SAMD3: variants seen among roughly 807,000 people sequenced by gnomAD.
The protein encoded by SAMD3 is sterile alpha motif domain-containing protein 3.
SAMD3 carries 63 observed loss-of-function variants against 58.5 expected under a neutral mutation model. The ratio of observed to expected loss-of-function variants is 1.08; its 90% confidence interval spans 0.88 to 1.33. The LOEUF is 1.33. SAMD3 is among the 40% of genes most tolerant of loss of function. The pLI is 0.00. For synonymous variants in SAMD3, 220 were observed against 210.3 expected (o/e 1.05, Z -0.40); for missense variants, 604 against 608.4 (o/e 0.99, Z 0.08).
At chr6:130,227,828 C>T (rs1053640911), upstream of SAMD3, among the ~76,000 whole-genome samples, 5 of 151,390 alleles carry the variant, frequency 3.3e-5, no homozygotes, top group African/African-American at 1.2e-4. Flanking sequence ...AGGAATCATT[C>T]GACGTCCTCT....
At position 130,290,308 on chromosome 6, in the gene SAMD3, GC is replaced by G. The variant is rs1336115981; in HGVS notation, c.-188+22669del. On this transcript the variant is annotated intron_variant, in intron 2 of 13. Transcript: ENST00000368134. ...TGTTGTAGTATAGAGTCCCACACTT[GC>G]CGGCTGGAAATTTAGGCAGGATTTC... is the stretch of plus-strand genomic sequence containing the variant. Among the ~76,000 whole-genome samples the G allele has an allele frequency of 1.6e-4, 24 of 152,260 alleles. 1 individual carries two copies. In the Middle Eastern group the frequency reaches 0.01, roughly 65 times the overall value.
At chr6:130,274,661 A>G (rs540203741) in intron 2 of SAMD3, among the ~76,000 whole-genome samples, 1 of 152,056 alleles carries the variant, frequency 6.6e-6, no homozygotes, top group East Asian at 1.9e-4. Flanking sequence ...TCCCATTTTG[A>G]AGGGATTTTT....
Position 130,219,947 on chromosome 6 carries a change from G to A in SAMD3, c.-68+2747C>T, listed in dbSNP as rs147772214. 1.3e-3 allele frequency among the ~76,000 whole-genome samples: 193 copies of A among 152,194 alleles called. 3 individuals carry two copies. The highest frequency in any genetic ancestry group is 0.01 in the Middle Eastern group (3 of 294). On this transcript the variant is annotated intron_variant, in intron 1 of 11. Coordinates refer to ENST00000439090, the MANE Select transcript of SAMD3 (RefSeq NM_001017373.4). The stretch of plus-strand genomic sequence containing the variant: ...TCACAACACCTCCAATAAATTTGAA[G>A]GAAAAAGTGGTGAGCACAGTCATAG...
chr6:130,162,957 T>A (rs976575043), intron 8 of SAMD3, among the ~76,000 whole-genome samples: 1 of 152,152 alleles, frequency 6.6e-6, no homozygotes, highest in African/African-American at 2.4e-5. Context: ...TATTATTTTT[T>A]AATAGAAGAG....
chr6:130,174,216 T>C (rs1167085655), intron 8 of SAMD3, among the ~76,000 whole-genome samples: 1 of 152,160 alleles, frequency 6.6e-6, no homozygotes, highest in Non-Finnish European at 1.5e-5. Context: ...CAGGCGCCAC[T>C]GGGGTATGAA....
chr6:130,271,385 G>C (rs1226599376), intron 2 of SAMD3, among the ~76,000 whole-genome samples: 1 of 152,106 alleles, frequency 6.6e-6, no homozygotes, highest in Non-Finnish European at 1.5e-5. Context: ...TTACAAATTT[G>C]ATTGGGTTAA....
chr6:130,187,780 A>G (rs766778078), intron 5 of SAMD3, among the ~76,000 whole-genome samples: 53 of 152,304 alleles, frequency 3.5e-4, no homozygotes, highest in Non-Finnish European at 4.7e-4. Context: ...CAGCAGTTCA[A>G]CCCAAAGGAT....
intron 2 of SAMD3, among the ~76,000 whole-genome samples, chr6:130,232,444 T>C (rs1306385375): frequency 6.6e-6 from 1 of 152,206 alleles, no homozygotes; most frequent in African/African-American, 2.4e-5. Context: ...CCTTTCCTAG[T>C]ATTTATTTGC....
Position 130,144,700 on chromosome 6 carries a change from G to A in SAMD3, c.1383C>T (p.Asp461=), listed in dbSNP as rs199892487. Residue 461 remains aspartate (D), a synonymous_variant, in exon 12 of 12, where the codon GAC becomes GAT. Transcript: ENST00000439090. ...LERERLTKVD[D]CVTALAALVA... ...CTAGCGCAGCCAAGGCTGTAACACA[G>A]TCGTCCACCTTTGTGAGCCTCTCCC... 1.2e-5 allele frequency: 19 copies of A among 1,614,042 alleles called. No individual in the cohort carries two copies. The Admixed American group carries it at 1.8e-4, about 16-fold the overall frequency.
At chr6:130,283,676 T>TA (rs976301109) in intron 2 of SAMD3, among the ~76,000 whole-genome samples, 1 of 152,196 alleles carries the variant, frequency 6.6e-6, no homozygotes, top group African/African-American at 2.4e-5. Flanking sequence ...GAAGGAGAGT[T>TA]AAAAATAATT....
chr6:130,278,719 C>T (rs1583042394), intron 2 of SAMD3, among the ~76,000 whole-genome samples: 2 of 152,262 alleles, frequency 1.3e-5, no homozygotes, highest in Admixed American at 1.3e-4. Context: ...CTTACTTTTG[C>T]TCACATTTCA....
chr6:130,143,883 GTC>G (rs778006197), downstream of SAMD3: 52 of 152,530 alleles, frequency 3.4e-4, no homozygotes, highest in Non-Finnish European at 6.9e-4. Flanking sequence ...TGCAGGATGA[GTC>G]ACTGTGTTTC....
intron 9 of SAMD3, among the ~76,000 whole-genome samples, chr6:130,147,042 T>C (rs964043850): frequency 6.6e-6 from 1 of 152,072 alleles, no homozygotes; most frequent in Admixed American, 6.6e-5. Context: ...AAAACCAGTT[T>C]ACTTTATGGA....
intron 2 of SAMD3, among the ~76,000 whole-genome samples, chr6:130,266,295 T>C (rs1203069159): frequency 6.6e-6 from 1 of 152,174 alleles, no homozygotes; most frequent in Non-Finnish European, 1.5e-5. Flanking sequence ...AGTCTCTCAA[T>C]GTCACTTCAT....
At chr6:130,340,670 T>A (rs1010562976) in intron 1 of SAMD3, among the ~76,000 whole-genome samples, 1 of 152,206 alleles carries the variant, frequency 6.6e-6, no homozygotes, top group African/African-American at 2.4e-5. Flanking sequence ...TTCTCACAAT[T>A]TCATCTTTTA....
chr6:130,297,193 T>C (rs1775599082), intron 2 of SAMD3, among the ~76,000 whole-genome samples: 2 of 152,190 alleles, frequency 1.3e-5, no homozygotes, highest in African/African-American at 4.8e-5. Flanking sequence ...AGATAGTTTG[T>C]TGGCTCATAC....
At chr6:130,353,685 T>C (rs565430357) in intron 1 of SAMD3, among the ~76,000 whole-genome samples, 1 of 152,214 alleles carries the variant, frequency 6.6e-6, no homozygotes, top group African/African-American at 2.4e-5. Context: ...TACACTATTT[T>C]AGGGAGCAAA....
At chr6:130,329,266 A>G (rs1163149904) in intron 1 of SAMD3, among the ~76,000 whole-genome samples, 2 of 151,734 alleles carry the variant, frequency 1.3e-5, no homozygotes, top group Non-Finnish European at 2.9e-5. Context: ...AATCTCAAAA[A>G]AAAAAAAAAA....
chr6:130,347,349 T>A (rs1272925334), intron 1 of SAMD3, among the ~76,000 whole-genome samples: 1 of 151,910 alleles, frequency 6.6e-6, no homozygotes, highest in Admixed American at 6.6e-5. Context: ...GACAAACGGC[T>A]AACTAGAATA....
Sources: gnomAD v4.1 joint callset for allele counts (sites outside exome capture counted in the v4.1 genomes callset) on GRCh38, gnomAD v4.1.1 for gene constraint, MANE v1.5 for transcripts, NCBI Gene and HGNC (gene_info 2026-07-23, HGNC 2026-07-21) for gene names.